The following RBMS3 variants were observed in gnomAD, a reference collection of about 807,000 sequenced individuals.
RBMS3 encodes RNA binding motif single stranded interacting protein 3, also known as RNA-binding motif, single-stranded-interacting protein 3.
In RBMS3, 27 loss-of-function variants were observed where a neutral mutation model predicts 66.8. The ratio of observed to expected loss-of-function variants is 0.40; its 90% CI spans 0.30 to 0.56. The LOEUF (loss-of-function observed/expected upper bound fraction) is 0.56, where lower values mean the gene tolerates loss of function less well. Ranked by LOEUF, RBMS3 falls within the 20% of genes least tolerant of loss-of-function variation. RBMS3 has a pLI of 0.40. For missense variants in RBMS3, 513 were observed against 549.5 expected, an observed-to-expected ratio of 0.93 and a Z score of 0.66; for synonymous variants, 188 against 183.0, an observed-to-expected ratio of 1.03 and a Z score of -0.22.
At chr3:29,858,091 A>C (rs2149529912) in intron 6 of RBMS3, among the ~76,000 whole-genome samples, 1 of 152,346 alleles carries the variant, frequency 6.6e-6, no homozygotes. Context: ...AGATGTATAT[A>C]GTTATGCATT....
chr3:29,635,473 T>C (rs1426384093), intron 4 of RBMS3, among the ~76,000 whole-genome samples: 3 of 151,880 alleles, frequency 2.0e-5, no homozygotes, highest in Admixed American at 2.0e-4. Context: ...ATTCAGAAGC[T>C]GACCATTTCT....
intron 6 of RBMS3, among the ~76,000 whole-genome samples, chr3:29,864,298 A>G (rs1316827962): frequency 6.6e-6 from 1 of 152,204 alleles, no homozygotes; most frequent in Admixed American, 6.5e-5. Context: ...AGCATTCATC[A>G]TAGGCAATTG....
intron 14 of RBMS3, among the ~76,000 whole-genome samples, chr3:30,000,656 T>C (rs1217046551): frequency 6.6e-6 from 1 of 152,134 alleles, no homozygotes; most frequent in Non-Finnish European, 1.5e-5. Flanking sequence ...CCATTAATGA[T>C]AGACTTGATA....
At chr3:29,549,647 G>A (rs558020784) in intron 3 of RBMS3, among the ~76,000 whole-genome samples, 4 of 152,076 alleles carry the variant, frequency 2.6e-5, no homozygotes, top group East Asian at 1.9e-4. Context: ...TGATTCGCTC[G>A]CTTCAGCCTC....
At chr3:29,580,325 C>G (rs540134264) in intron 3 of RBMS3, among the ~76,000 whole-genome samples, 1 of 152,204 alleles carries the variant, frequency 6.6e-6, no homozygotes, top group South Asian at 2.1e-4. Flanking sequence ...TAATTTCAAA[C>G]AAACTGAGAG....
intron 10 of RBMS3, among the ~76,000 whole-genome samples, chr3:29,900,874 C>T (rs1177830337): frequency 6.6e-6 from 1 of 151,700 alleles, no homozygotes; most frequent in Non-Finnish European, 1.5e-5. Context: ...AGTTAGTATA[C>T]ATTAAACACC....
chr3:29,740,220 A>C (rs9310909), intron 5 of RBMS3, among the ~76,000 whole-genome samples: 3,974 of 152,164 alleles, frequency 0.026, 161 homozygotes, highest in African/African-American at 0.09. Flanking sequence ...CAGTACCCCA[A>C]AGCAAAAGAG....
chr3:29,339,718 AAT>A (rs1194161510), intron 1 of RBMS3, among the ~76,000 whole-genome samples: 1 of 152,136 alleles, frequency 6.6e-6, no homozygotes, highest in African/African-American at 2.4e-5. Flanking sequence ...TATCTAAAAT[AAT>A]ATGTTATTCA....
At chr3:29,733,950 CTA>C (rs1404680977) in intron 4 of RBMS3, among the ~76,000 whole-genome samples, 1 of 151,886 alleles carries the variant, frequency 6.6e-6, no homozygotes, top group African/African-American at 2.4e-5. Flanking sequence ...TTATAGGGGT[CTA>C]GTTTCATTAT....
intron 12 of RBMS3, among the ~76,000 whole-genome samples, chr3:29,957,398 C>G (rs1696115353): frequency 6.6e-6 from 1 of 152,054 alleles, no homozygotes; most frequent in African/African-American, 2.4e-5. Context: ...TCTACATAAT[C>G]CTAACTTTCT....
chr3:29,326,519 T>C (rs993709337), intron 1 of RBMS3, among the ~76,000 whole-genome samples: 2 of 152,180 alleles, frequency 1.3e-5, no homozygotes, highest in Non-Finnish European at 2.9e-5. Flanking sequence ...CCTATGTAAT[T>C]ACCCCTATTA....
chr3:29,849,996 G>A lies in RBMS3; in HGVS notation c.638-18862G>A, dbSNP rs76230089. Among the ~76,000 whole-genome samples, 990 of 152,256 alleles carry A rather than the reference G, an allele frequency of 6.5e-3. 37 individuals are homozygous for A. The East Asian group carries it at 0.11, about 17-fold the overall frequency. ...CAAAGAATATGCCTACCTGCCTTTT[G>A]CACTTCTGGTAAAGATACGAGGTAG... On this transcript the variant is annotated intron_variant, in intron 6 of 14. Coordinates refer to ENST00000383767, the MANE Select transcript of RBMS3 (RefSeq NM_001003793.3).
intron 6 of RBMS3, among the ~76,000 whole-genome samples, chr3:29,860,020 A>G (rs1163970501): frequency 6.6e-6 from 1 of 152,244 alleles, no homozygotes; most frequent in East Asian, 1.9e-4. Context: ...CTTATTCTGC[A>G]AGACCTTCCT....
chr3:29,367,314 C>A (rs2037963650), intron 1 of RBMS3, among the ~76,000 whole-genome samples: 1 of 151,882 alleles, frequency 6.6e-6, no homozygotes, highest in African/African-American at 2.4e-5. Flanking sequence ...AACATATATT[C>A]AAAAATGTTT....
In RBMS3 at chr3:29,624,106, C is replaced by T. The variant is rs182046758; in HGVS notation, c.399+36901C>T. Among the ~76,000 whole-genome samples the T allele has an allele frequency of 3.3e-5, 5 of 152,312 alleles. No homozygotes were observed. The East Asian group carries it at 9.6e-4, about 29-fold the overall frequency. On this transcript the variant is annotated intron_variant, in intron 4 of 14. Transcript: ENST00000383767. ...AACTCATATTTGCGAAGACTTCCAA[C>T]GTATACCTCAGGTTACCTGTAAATA...
chr3:29,320,139 T>C lies in RBMS3; in HGVS notation c.75+38383T>C, dbSNP rs901084169. Among the ~76,000 whole-genome samples the C allele has an allele frequency of 9.2e-5, 14 of 152,038 alleles. No individual in the cohort carries two copies. The South Asian group carries it at 1.2e-3, about 14-fold the overall frequency. On this transcript the variant is annotated intron_variant, in intron 1 of 14. Coordinates refer to ENST00000383767, the MANE Select transcript of RBMS3 (RefSeq NM_001003793.3). ...TTGTTTTCACAGGTGAGACATTAAA[T>C]GGGTTATTTAGATCACCTTTGCACA...
chr3:29,502,643 G>T (rs1390435807), intron 3 of RBMS3, among the ~76,000 whole-genome samples: 8 of 151,982 alleles, frequency 5.3e-5, no homozygotes, highest in Non-Finnish European at 1.2e-4. Context: ...AAAATATTTT[G>T]ATCATTTTGT....
intron 4 of RBMS3, among the ~76,000 whole-genome samples, chr3:29,639,593 C>CAGACAGAGAG (rs2049613655): frequency 7.0e-6 from 1 of 143,074 alleles, no homozygotes; most frequent in African/African-American, 2.6e-5. Flanking sequence ...AGAAGATAGA[C>CAGACAGAGAG]AGAGAGAGAG....
intron 6 of RBMS3, among the ~76,000 whole-genome samples, chr3:29,833,680 C>T (rs140152252): frequency 4.1e-4 from 62 of 152,084 alleles, no homozygotes; most frequent in African/African-American, 1.4e-3. Context: ...AAACCTACAA[C>T]ATTTATGGAA....
Sources: allele counts gnomAD v4.1 joint callset (sites outside exome capture counted in the v4.1 genomes callset), GRCh38; gene constraint gnomAD v4.1.1; transcripts MANE v1.5; gene names NCBI Gene and HGNC (gene_info 2026-07-23, HGNC 2026-07-21).